The following TSPEAR variants were observed in gnomAD, a reference collection of about 807,000 sequenced individuals.
The protein encoded by TSPEAR is thrombospondin type laminin G domain and EAR repeats, also known as thrombospondin-type laminin G domain and EAR repeat-containing protein.
A neutral mutation model predicts 71.6 loss-of-function variants in TSPEAR; 69 were observed. That is an observed-to-expected ratio of 0.96 (90% confidence interval 0.79 to 1.18). The LOEUF is 1.18. TSPEAR is among the 50% of genes most tolerant of loss of function. The pLI is 0.00. For missense variants in TSPEAR, 971 were observed against 894.9 expected, an observed-to-expected ratio of 1.09 and a Z score of -1.09; for synonymous variants, 402 against 387.2, an observed-to-expected ratio of 1.04 and a Z score of -0.45.
At chr21:44,697,170 C>T in intron 1 of TSPEAR, 1 of 1,603,400 alleles carries the variant, frequency 6.2e-7, no homozygotes, top group Middle Eastern at 1.7e-4. Flanking sequence ...CTCAGCTCCC[C>T]CAGCTCAACC....
Position 44,522,092 on chromosome 21 carries a change from T to A in TSPEAR, c.1357A>T (p.Ser453Cys). 6.2e-7 allele frequency: 1 copy of A among 1,613,942 alleles called. No individual in the cohort carries two copies. Among genetic ancestry groups the A allele is most frequent in the Non-Finnish European group, 8.5e-7 (1 of 1,179,950 alleles). The change falls in exon 9 of 12, where the codon AGT becomes TGT. Residue 453 changes from serine (S) to cysteine (C), a missense_variant. Physicochemically the swap from Ser to Cys is moderately radical, Grantham distance 112. Coordinates refer to ENST00000323084, the MANE Select transcript of TSPEAR (RefSeq NM_144991.3). Reference sequence around the variant, plus strand: ...GCCGGGTTCCACTTGTAGATGACACTGTCGATGTTGTGGTTGTCGCCTGGA... The same window carrying A: ...GCCGGGTTCCACTTGTAGATGACACAGTCGATGTTGTGGTTGTCGCCTGGA... ...HREGDNHNID[S>C]VIYKWNPATR...
chr21:44,685,894 G>A (rs1356358434), intron 1 of TSPEAR, among the ~76,000 whole-genome samples: 2 of 152,214 alleles, frequency 1.3e-5, no homozygotes, highest in Admixed American at 6.5e-5. Flanking sequence ...CAGCCACCCC[G>A]AATGCTGGCA....
intron 1 of TSPEAR, chr21:44,676,799 CA>C: frequency 1.1e-6 from 1 of 910,930 alleles, no homozygotes; most frequent in East Asian, 2.4e-5. Flanking sequence ...TTTGCTACTA[CA>C]GAGTCAAATG....
chr21:44,502,508 T>A (rs2052052578), intron 11 of TSPEAR, among the ~76,000 whole-genome samples: 1 of 152,234 alleles, frequency 6.6e-6, no homozygotes, highest in Non-Finnish European at 1.5e-5. Flanking sequence ...TCGTTAAACG[T>A]ACGATACTTG....
chr21:44,637,983 C>T (rs1478794489), intron 1 of TSPEAR: 2 of 1,613,714 alleles, frequency 1.2e-6, no homozygotes, highest in East Asian at 2.2e-5. Flanking sequence ...CCCTCCTCCT[C>T]CGTGTCCCTC....
At chr21:44,507,824 A>G (rs782041597) in intron 10 of TSPEAR, among the ~76,000 whole-genome samples, 3 of 152,202 alleles carry the variant, frequency 2.0e-5, no homozygotes, top group African/African-American at 4.8e-5. Flanking sequence ...GGGACACACA[A>G]CTGCCACCGC....
chr21:44,646,736 C>T (rs587631339), intron 1 of TSPEAR: 16 of 1,614,098 alleles, frequency 9.9e-6, no homozygotes, highest in Non-Finnish European at 1.2e-5. Flanking sequence ...TGCACCTCCT[C>T]CCCCTGCCAG....
At position 44,546,472 on chromosome 21, in the gene TSPEAR, C is replaced by CT. The variant is rs1358833912; in HGVS notation, c.304-12550dup. Among the ~76,000 whole-genome samples, 8 of 152,198 alleles carry CT rather than the reference C, an allele frequency of 5.3e-5. No individual in the cohort carries two copies. Among genetic ancestry groups the CT allele is most frequent in the Non-Finnish European group, 1.0e-4 (7 of 68,030 alleles). On this transcript the variant is annotated intron_variant, in intron 2 of 11. Coordinates refer to ENST00000323084, the MANE Select transcript of TSPEAR (RefSeq NM_144991.3). This position sits in a 1 kb window ranked among gnomAD's most constrained non-coding sequence, Gnocchi z 4.4. ...GCCTCAGCCTCCTGAGTAGCTGGGA[C>CT]TACAGGCTCCCGCCACCAGGCCCGG...
At chr21:44,662,976 G>A (rs970398037) in intron 1 of TSPEAR, among the ~76,000 whole-genome samples, 2 of 151,776 alleles carry the variant, frequency 1.3e-5, no homozygotes, top group Admixed American at 1.3e-4. Flanking sequence ...TGTTTAGAGG[G>A]ATAAAATTAT....
At chr21:44,522,847 C>T (rs913500231) in intron 8 of TSPEAR, among the ~76,000 whole-genome samples, 6 of 152,246 alleles carry the variant, frequency 3.9e-5, no homozygotes, top group African/African-American at 1.4e-4. Context: ...ATGCCAGGCA[C>T]CAGGCCAGCA....
At chr21:44,502,474 T>C (rs923592998) in intron 11 of TSPEAR, among the ~76,000 whole-genome samples, 2 of 152,178 alleles carry the variant, frequency 1.3e-5, no homozygotes, top group Non-Finnish European at 2.9e-5. Flanking sequence ...CAGCTGCAAA[T>C]GAAAGTTAAA....
At chr21:44,558,739 TG>T in intron 2 of TSPEAR, 1 of 1,575,020 alleles carries the variant, frequency 6.3e-7, no homozygotes, top group Non-Finnish European at 8.6e-7. Flanking sequence ...GGAGGTGAGC[TG>T]GGGGAGACGT....
chr21:44,627,733 T>G (rs782085737), intron 1 of TSPEAR: 5 of 1,595,382 alleles, frequency 3.1e-6, no homozygotes, highest in Non-Finnish European at 4.3e-6. Flanking sequence ...GCCTGTCTGC[T>G]GTAAGCCTGT....
chr21:44,678,318 C>T (rs897526584), intron 1 of TSPEAR, among the ~76,000 whole-genome samples: 9 of 151,940 alleles, frequency 5.9e-5, no homozygotes, highest in African/African-American at 1.9e-4. Flanking sequence ...AACACCATCC[C>T]TCTTGGTGGT....
rs952611818 is a variant in TSPEAR at position 44,504,824 on chromosome 21, G to T, written c.1812C>A (p.Asn604Lys). The change falls in exon 11 of 12, where the codon AAC (asparagine) becomes AAA (lysine). Residue 604 changes from asparagine to lysine, a missense_variant. Asn to Lys is a moderately conservative substitution (Grantham distance 94). Coordinates refer to ENST00000323084, the MANE Select transcript of TSPEAR (RefSeq NM_144991.3). ...VGEDYFLVVANSFDGRTFSVN... is the reference protein window; with the variant it reads ...VGEDYFLVVAKSFDGRTFSVN... The stretch of plus-strand genomic sequence containing the variant: ...CCGAGAAGGTACGCCCATCGAAGGA[G>T]TTGGCCACCACCAGGAAATAATCTT... The T allele has an allele frequency of 6.2e-7, 1 of 1,613,862 alleles. No homozygotes were observed. Among genetic ancestry groups the T allele is most frequent in the African/African-American group, 1.3e-5 (1 of 74,926 alleles).
At chr21:44,617,069 T>G (rs1473808017) in intron 1 of TSPEAR, among the ~76,000 whole-genome samples, 1 of 151,914 alleles carries the variant, frequency 6.6e-6, no homozygotes, top group Non-Finnish European at 1.5e-5. Flanking sequence ...CCTCACTCAC[T>G]CACCCACTCA....
chr21:44,567,852 TG>T lies in TSPEAR; in HGVS notation c.235del (p.Gln79SerfsTer13). On this transcript the variant is annotated frameshift_variant, in exon 2 of 12. Coordinates refer to ENST00000323084, the MANE Select transcript of TSPEAR (RefSeq NM_144991.3). LOFTEE classifies it high-confidence loss of function. ...AAATTCTTCAGGGAAGAGGTCACACTGGGAGAAAATCCTGGATGCTGGGAAG... is the reference window on the plus strand; with the variant it reads ...AAATTCTTCAGGGAAGAGGTCACACTGGAGAAAATCCTGGATGCTGGGAAG... ...MSFPASRIFS[Q>X]CDLFPEEFSI... 1 of 1,609,706 alleles carries T rather than the reference TG, an allele frequency of 6.2e-7. No individual in the cohort carries two copies. The highest frequency in any genetic ancestry group is 8.5e-7 in the Non-Finnish European group (1 of 1,177,482).
intron 9 of TSPEAR, among the ~76,000 whole-genome samples, chr21:44,514,189 T>C (rs1345565856): frequency 6.6e-6 from 1 of 152,186 alleles, no homozygotes; most frequent in African/African-American, 2.4e-5. Context: ...TGCCACCCCC[T>C]TGACAGATGT....
At chr21:44,503,799 G>T (rs1486487714) in intron 11 of TSPEAR, among the ~76,000 whole-genome samples, 2 of 137,186 alleles carry the variant, frequency 1.5e-5, no homozygotes, top group Non-Finnish European at 3.1e-5. Flanking sequence ...AGCTGGCCTC[G>T]GTGAGCCCTC....
Sources: allele counts gnomAD v4.1 joint callset (sites outside exome capture counted in the v4.1 genomes callset), GRCh38; gene constraint gnomAD v4.1.1; non-coding constraint Gnocchi (gnomAD v3.1); transcripts MANE v1.5; gene names NCBI Gene and HGNC (gene_info 2026-07-23, HGNC 2026-07-21).